Variants in SYNJ1 observed in about 807,000 individuals in gnomAD.
The protein encoded by SYNJ1 is polyphosphatidylinositol phosphatase SYNJ1.
In SYNJ1, 78 loss-of-function variants were observed where a neutral mutation model predicts 168.2. The observed-to-expected ratio is 0.46, with a 90% CI of 0.39 to 0.56. SYNJ1 has a LOEUF of 0.56. Ranked by LOEUF, SYNJ1 falls within the 20% of genes least tolerant of loss-of-function variation. The pLI, the probability that SYNJ1 is intolerant of heterozygous loss-of-function variation, is 0.00. For missense variants in SYNJ1, 1,303 were observed against 1,597.6 expected (o/e 0.82, Z 3.14); for synonymous variants, 539 against 548.6 (o/e 0.98, Z 0.24).
intron 2 of SYNJ1, among the ~76,000 whole-genome samples, chr21:32,708,573 G>A (rs1160251001): frequency 2.6e-5 from 4 of 152,118 alleles, no homozygotes; most frequent in Admixed American, 2.0e-4. Flanking sequence ...GAGGTAAGGC[G>A]GCCTGCACCG....
At chr21:32,726,090 T>A (rs1009547846) in intron 2 of SYNJ1, among the ~76,000 whole-genome samples, 1 of 152,178 alleles carries the variant, frequency 6.6e-6, no homozygotes, top group Non-Finnish European at 1.5e-5. Flanking sequence ...TCAGCCCCCC[T>A]TGGCCTCCCA....
At chr21:32,665,354 C>G (rs937931706) in intron 17 of SYNJ1, among the ~76,000 whole-genome samples, 1 of 152,160 alleles carries the variant, frequency 6.6e-6, no homozygotes, top group African/African-American at 2.4e-5. Context: ...CACAATTTGC[C>G]CACAGGAAAT....
At chr21:32,695,542 A>G (rs1360771212) in intron 4 of SYNJ1, among the ~76,000 whole-genome samples, 6 of 152,052 alleles carry the variant, frequency 3.9e-5, no homozygotes. Flanking sequence ...TTATGTCTTT[A>G]TATATAATGT....
At chr21:32,726,582 C>T (rs1187627597) in intron 2 of SYNJ1, among the ~76,000 whole-genome samples, 190 bp downstream of exon 2, 2 of 152,110 alleles carry the variant, frequency 1.3e-5, no homozygotes, top group Non-Finnish European at 2.9e-5. Flanking sequence ...TCCCTGCACC[C>T]CCTCAACAAA....
At chr21:32,649,611 C>A (rs1436178419) in intron 23 of SYNJ1, among the ~76,000 whole-genome samples, 1 of 152,158 alleles carries the variant, frequency 6.6e-6, no homozygotes, top group South Asian at 2.1e-4. Flanking sequence ...CTAAACCATA[C>A]ACCAACAATA....
In SYNJ1 at chr21:32,685,726, CAG is replaced by C; in HGVS notation, c.1118+20_1118+21del. The C allele has an allele frequency of 6.6e-7, 1 of 1,515,074 alleles. No homozygotes were observed. The highest frequency in any genetic ancestry group is 2.3e-5 in the Admixed American group (1 of 44,248). The allele number at this position is 1,515,074 out of a possible 1,614,324, so 93.9% of individuals were successfully genotyped here. A position where few individuals can be genotyped will look rare whatever the true frequency, so the allele number is the denominator to read the frequency against. ...TTAATTAATGTTCCAATTCAAAGAA[CAG>C]AGAAACAGAACAGTCAAACCTTTGA... On this transcript the variant is annotated intron_variant, in intron 9 of 32. Coordinates refer to ENST00000674351, the MANE Select transcript of SYNJ1 (RefSeq NM_203446.3).
intron 6 of SYNJ1, 65 bp downstream of exon 6, chr21:32,694,163 C>A (rs2042122139): frequency 1.4e-5 from 16 of 1,172,416 alleles, no homozygotes; most frequent in Non-Finnish European, 1.7e-5. Flanking sequence ...AATAAACTAT[C>A]CAGAAAGTTT....
intron 18 of SYNJ1, among the ~76,000 whole-genome samples, chr21:32,663,673 A>G (rs778769744): frequency 1.3e-5 from 2 of 152,220 alleles, no homozygotes; most frequent in Non-Finnish European, 2.9e-5. Context: ...TGAGAGAATC[A>G]TACAATATTA....
intron 2 of SYNJ1, among the ~76,000 whole-genome samples, chr21:32,717,085 G>A (rs900962603): frequency 3.3e-5 from 5 of 151,898 alleles, no homozygotes; most frequent in Admixed American, 1.3e-4. Flanking sequence ...TCAGCCTCTC[G>A]AGTAGCTGGG....
intron 8 of SYNJ1, among the ~76,000 whole-genome samples, chr21:32,686,445 T>C (rs1353575203): frequency 6.6e-6 from 1 of 152,220 alleles, no homozygotes; most frequent in Non-Finnish European, 1.5e-5. Context: ...TTTATATTAA[T>C]TCATTATTAA....
In SYNJ1 at chr21:32,699,884, C is replaced by T. The variant is rs2042338748; in HGVS notation, c.433G>A (p.Ala145Thr). The T allele has an allele frequency of 1.2e-6, 2 of 1,613,966 alleles. No homozygotes were observed. Among genetic ancestry groups the T allele is most frequent in the Non-Finnish European group, 1.7e-6 (2 of 1,180,018 alleles). ...GTCTGTTCTTGCATGCTACGATGCG[C>T]ATTAAGACTCAAATCTAAACTGATG... ...SGISLDLSLN[A>T]HRSMQEQTTD... Residue 145 changes from alanine (A) to threonine (T), a missense_variant, in exon 4 of 33, where the codon GCG (alanine) becomes ACG (threonine). Physicochemically the swap from Ala to Thr is moderately conservative, Grantham distance 58. Around this residue, in one of 2 missense-constraint regions of SYNJ1, gnomAD observed 920 missense variants for 1,208.8 expected, o/e 0.76. Transcript: ENST00000674351.
rs2039254523 is a variant in SYNJ1, at chr21:32,629,837, C to T, written c.*1968G>A. The T allele has an allele frequency of 6.6e-6, 1 of 152,520 alleles. No homozygotes were observed. The highest frequency in any genetic ancestry group is 1.9e-4 in the East Asian group (1 of 5,200). 9.4% of individuals were successfully genotyped at this position (152,520 alleles called of 1,614,324 possible). On this transcript the variant is annotated 3_prime_UTR_variant, in exon 33 of 33. Transcript: ENST00000674351. The stretch of plus-strand genomic sequence containing the variant: ...AGTTGCATATTGGCAGTGCAGGAGA[C>T]AAAATCCGCAGCTACTTTGAGGTAT...
At chr21:32,667,624 G>C (rs1049278965) in intron 15 of SYNJ1, among the ~76,000 whole-genome samples, 7 of 152,050 alleles carry the variant, frequency 4.6e-5, no homozygotes, top group Non-Finnish European at 1.0e-4. Flanking sequence ...CAGGGCTGGA[G>C]TGCTGTGGCA....
chr21:32,716,013 G>A (rs887897436), intron 2 of SYNJ1, among the ~76,000 whole-genome samples: 1 of 152,088 alleles, frequency 6.6e-6, no homozygotes, highest in African/African-American at 2.4e-5. Flanking sequence ...GCTCACATAC[G>A]TAACACTACT....
chr21:32,691,300 C>G (rs1191013830), intron 6 of SYNJ1, among the ~76,000 whole-genome samples: 1 of 152,208 alleles, frequency 6.6e-6, no homozygotes, highest in African/African-American at 2.4e-5. Flanking sequence ...TCTTATCTTT[C>G]TTTTGCTCCT....
chr21:32,706,006 A>G (rs1488677082), intron 2 of SYNJ1, among the ~76,000 whole-genome samples: 2 of 152,152 alleles, frequency 1.3e-5, no homozygotes, highest in Non-Finnish European at 2.9e-5. Context: ...AGCAAACCAA[A>G]GTGAACACCA....
At chr21:32,638,110 C>T (rs901741008) in intron 31 of SYNJ1, among the ~76,000 whole-genome samples, 2 of 152,106 alleles carry the variant, frequency 1.3e-5, no homozygotes, top group Non-Finnish European at 2.9e-5. Flanking sequence ...CACTGTGTCA[C>T]CAGGCTGGAA....
At chr21:32,713,705 T>C (rs2042921417) in intron 2 of SYNJ1, among the ~76,000 whole-genome samples, 1 of 151,510 alleles carries the variant, frequency 6.6e-6, no homozygotes, top group Non-Finnish European at 1.5e-5. Context: ...TGATTTCCCA[T>C]ATATCAACAT....
At chr21:32,696,124 T>C (rs951278494) in intron 4 of SYNJ1, among the ~76,000 whole-genome samples, 2 of 152,206 alleles carry the variant, frequency 1.3e-5, no homozygotes, top group Non-Finnish European at 2.9e-5. Context: ...AGTGCTGGGA[T>C]TACAGGCGTG....
Sources: gnomAD v4.1 joint callset for allele counts (sites outside exome capture counted in the v4.1 genomes callset) on GRCh38, gnomAD v4.1.1 for gene constraint, gnomAD v4.1.1 regional missense constraint, MANE v1.5 for transcripts, NCBI Gene and HGNC (gene_info 2026-07-23, HGNC 2026-07-21) for gene names.